SPEN: variants seen among roughly 807,000 people sequenced by gnomAD.
The protein encoded by SPEN is spen family transcriptional repressor, also known as msx2-interacting protein.
SPEN carries 18 observed loss-of-function variants against 269.9 expected under a neutral mutation model. That is an observed-to-expected ratio of 0.07 (90% CI 0.05 to 0.10). SPEN has a LOEUF of 0.10. Among genes scored for constraint, SPEN ranks in the 10% least tolerant of loss-of-function variants. The pLI, the probability that SPEN is intolerant of heterozygous loss-of-function variation, is 1.00. For missense variants in SPEN, 3,822 were observed against 4,631.2 expected, an observed-to-expected ratio of 0.83 and a Z score of 5.07; for synonymous variants, 1,726 against 1,765.7, an observed-to-expected ratio of 0.98 and a Z score of 0.56.
At position 15,904,560 on chromosome 1, in the gene SPEN, AT is replaced by A. The variant is rs201976384; in HGVS notation, c.882-4759del. Among the ~76,000 whole-genome samples, 968 of 150,670 alleles carry A rather than the reference AT, an allele frequency of 6.4e-3. 8 individuals are homozygous for A. The highest frequency in any genetic ancestry group is 0.021 in the Middle Eastern group (6 of 290). On this transcript the variant is annotated intron_variant, in intron 3 of 14. Coordinates refer to ENST00000375759, the MANE Select transcript of SPEN (RefSeq NM_015001.3). The stretch of plus-strand genomic sequence containing the variant: ...CCCCTTCTAGTTGCCACTTCACATT[AT>A]TCAGCAGATGATTCTGAAAGTTAAA...
In SPEN at chr1:15,935,976, A is replaced by AC. The variant is rs2071270906; in HGVS notation, c.9740dup (p.Ala3248CysfsTer19). 1 of 385,856 alleles carries AC rather than the reference A, an allele frequency of 2.6e-6. No individual in the cohort carries two copies. The highest frequency in any genetic ancestry group is 4.0e-6 in the Non-Finnish European group (1 of 250,098). The allele number at this position is 385,856 out of a possible 1,614,324, so 23.9% of individuals were successfully genotyped here. On this transcript the variant is annotated frameshift_variant, in exon 11 of 15. Coordinates refer to ENST00000375759, the MANE Select transcript of SPEN (RefSeq NM_015001.3). LOFTEE classifies it high-confidence loss of function. This position sits in a 1 kb window ranked among gnomAD's most constrained non-coding sequence, Gnocchi z 7.7. ...AGATGCCAAAGCTGCCCCCACCCCCACCCCTGCCCCCGTCCCTGTCCCTGT... is the reference window on the plus strand; with the variant it reads ...AGATGCCAAAGCTGCCCCCACCCCCACCCCCTGCCCCCGTCCCTGTCCCTGT...
Position 15,930,334 on chromosome 1 carries a change from T to C in SPEN, c.4094T>C (p.Leu1365Pro). The C allele has an allele frequency of 6.2e-7, 1 of 1,613,722 alleles. No homozygotes were observed. The highest frequency in any genetic ancestry group is 8.5e-7 in the Non-Finnish European group (1 of 1,179,728). Residue 1365 changes from leucine to proline, a missense_variant, in exon 11 of 15, where the codon CTT becomes CCT. This residue lies in a region of SPEN where 267 missense variants were observed against 315.5 expected (regional missense o/e 0.85). Coordinates refer to ENST00000375759, the MANE Select transcript of SPEN (RefSeq NM_015001.3). The surrounding 1 kb of genome is among the most constrained non-coding windows in gnomAD (Gnocchi z 5.3). ...FPNSIIKRDS[L>P]RKRSVRDLEP... ...AACAGCATAATTAAGAGAGATAGCC[T>C]TCGAAAAAGGTCTGTACGAGATCTG...
In SPEN at chr1:15,928,041, A is replaced by G. The variant is rs1241962700; in HGVS notation, c.1851-50A>G. The G allele has an allele frequency of 1.6e-5, 24 of 1,468,812 alleles. No homozygotes were observed. The highest frequency in any genetic ancestry group is 1.0e-4 in the African/African-American group (7 of 70,274). 91.0% of individuals were successfully genotyped at this position (1,468,812 alleles called of 1,614,324 possible). A position where few individuals can be genotyped will look rare whatever the true frequency, so the allele number is the denominator to read the frequency against. On this transcript the variant is annotated intron_variant, in intron 10 of 14. Transcript: ENST00000375759. The surrounding 1 kb of genome is among the most constrained non-coding windows in gnomAD (Gnocchi z 5.7). Reference sequence around the variant, plus strand: ...TGATTTCATATGTATGATTTTATGCATAAGTGATGAGGAAACAAAAGAACT... The same window carrying G: ...TGATTTCATATGTATGATTTTATGCGTAAGTGATGAGGAAACAAAAGAACT...
chr1:15,922,480 TTTATCAC>T (rs2071128929), intron 10 of SPEN, 131 bp downstream of exon 10: 1 of 615,776 alleles, frequency 1.6e-6, no homozygotes, highest in African/African-American at 1.9e-5. Flanking sequence ...ATGCTTCTCT[TTTATCAC>T]TTCATATGGA....
rs2071293275 is a variant in SPEN, at chr1:15,937,921, T to C, written c.10619T>C (p.Leu3540Pro). The C allele has an allele frequency of 6.2e-7, 1 of 1,614,160 alleles. No homozygotes were observed. The highest frequency in any genetic ancestry group is 8.5e-7 in the Non-Finnish European group (1 of 1,180,014). ...GTCCTGGCCCATCGGTCCCTGCCCCTTTCTGAAGGAGGGCCCCCACTAAGG... is the reference window on the plus strand; with the variant it reads ...GTCCTGGCCCATCGGTCCCTGCCCCCTTCTGAAGGAGGGCCCCCACTAAGG... ...NNVLAHRSLPLSEGGPPLRIA... is the reference protein window; with the variant it reads ...NNVLAHRSLPPSEGGPPLRIA... The change falls in exon 13 of 15, where the codon CTT becomes CCT. Residue 3540 changes from leucine to proline, a missense_variant. By Grantham distance (98) the Leu-to-Pro change is moderately conservative. Coordinates refer to ENST00000375759, the MANE Select transcript of SPEN (RefSeq NM_015001.3). The surrounding 1 kb of genome is among the most constrained non-coding windows in gnomAD (Gnocchi z 5.7).
At chr1:15,851,118 ATATT>A (rs1472589577) in intron 1 of SPEN, among the ~76,000 whole-genome samples, 2 of 152,074 alleles carry the variant, frequency 1.3e-5, no homozygotes, top group Non-Finnish European at 2.9e-5. Context: ...AAAAATTTTT[ATATT>A]TATTTTTAAA....
At chr1:15,892,757 C>T (rs1276436526) in intron 3 of SPEN, among the ~76,000 whole-genome samples, 1 of 151,752 alleles carries the variant, frequency 6.6e-6, no homozygotes, top group African/African-American at 2.4e-5. Flanking sequence ...AATTAATTTC[C>T]CAAGGAGAAA....
chr1:15,864,982 T>G (rs2070489328), intron 1 of SPEN, among the ~76,000 whole-genome samples: 1 of 152,092 alleles, frequency 6.6e-6, no homozygotes, highest in Non-Finnish European at 1.5e-5. Context: ...ATTATAGATG[T>G]TAGCCATCAT....
chr1:15,902,125 C>T (rs939830666), intron 3 of SPEN, among the ~76,000 whole-genome samples: 4 of 151,984 alleles, frequency 2.6e-5, no homozygotes, highest in Admixed American at 6.6e-5. Context: ...GTTAGGGTTT[C>T]GCCATGTTGG....
chr1:15,927,907 A>G (rs1295932467), intron 10 of SPEN, among the ~76,000 whole-genome samples, 184 bp from the exon 11 acceptor site: 1 of 152,242 alleles, frequency 6.6e-6, no homozygotes. Flanking sequence ...ATTTAGCTAG[A>G]TTTCAAGTGC....
chr1:15,930,143 A>T lies in SPEN; in HGVS notation c.3903A>T (p.Thr1301=). ...DEKVLPYSNI[T]VREESLKFNP... is the part of the protein sequence containing the mutation. The stretch of plus-strand genomic sequence containing the variant: ...AAGTCCTCCCCTATTCTAACATAAC[A>T]GTCAGGGAAGAGTCTTTAAAATTTA... Residue 1301 remains threonine (T), a synonymous_variant, in exon 11 of 15, where the codon ACA becomes ACT. Transcript: ENST00000375759. The surrounding 1 kb of genome is among the most constrained non-coding windows in gnomAD (Gnocchi z 5.3). 1 of 1,614,224 alleles carries T rather than the reference A, an allele frequency of 6.2e-7. No individual in the cohort carries two copies. Among genetic ancestry groups the T allele is most frequent in the Non-Finnish European group, 8.5e-7 (1 of 1,180,042 alleles).
intron 3 of SPEN, among the ~76,000 whole-genome samples, chr1:15,902,093 T>C: frequency 6.6e-6 from 1 of 152,004 alleles, no homozygotes; most frequent in South Asian, 2.1e-4. Context: ...CACGCCCCGC[T>C]AATATTTGTA....
At position 15,932,410 on chromosome 1, in the gene SPEN, C is replaced by G. The variant is rs554521479; in HGVS notation, c.6170C>G (p.Thr2057Ser). Residue 2057 changes from threonine (T) to serine (S), a missense_variant, in exon 11 of 15, where the codon ACC becomes AGC. Around this residue, in one of 16 missense-constraint regions of SPEN, gnomAD observed 727 missense variants for 737.9 expected, o/e 0.99. Coordinates refer to ENST00000375759, the MANE Select transcript of SPEN (RefSeq NM_015001.3). This position sits in a 1 kb window ranked among gnomAD's most constrained non-coding sequence, Gnocchi z 4.2. Reference protein sequence around the residue: ...DAGTDKNPPETAPVEVVEKKP... With the variant: ...DAGTDKNPPESAPVEVVEKKP... Reference sequence around the variant, plus strand: ...GGCACAGACAAAAACCCCCCTGAAACCGCCCCTGTTGAAGTTGTAGAGAAA... The same window carrying G: ...GGCACAGACAAAAACCCCCCTGAAAGCGCCCCTGTTGAAGTTGTAGAGAAA... 47 of 1,614,072 alleles carry G rather than the reference C, an allele frequency of 2.9e-5. No homozygotes were observed. The South Asian group carries it at 4.6e-4, about 16-fold the overall frequency.
chr1:15,934,179 C>G lies in SPEN; in HGVS notation c.7939C>G (p.Leu2647Val). ...CTTGGCAAAACCAGCTCCTCAAACC[C>G]TCACTGGTCTGGTGAGCGCACTCAC... ...ITLAKPAPQT[L>V]TGLVSALTGL... The change falls in exon 11 of 15, where the codon CTC becomes GTC. Residue 2647 changes from leucine to valine, a missense_variant. Physicochemically the swap from Leu to Val is conservative, Grantham distance 32. Around this residue, in one of 16 missense-constraint regions of SPEN, gnomAD observed 329 missense variants for 431.2 expected, o/e 0.76. Coordinates refer to ENST00000375759, the MANE Select transcript of SPEN (RefSeq NM_015001.3). This position sits in a 1 kb window ranked among gnomAD's most constrained non-coding sequence, Gnocchi z 9.2. The G allele has an allele frequency of 3.7e-6, 6 of 1,614,270 alleles. No individual in the cohort carries two copies. The highest frequency in any genetic ancestry group is 4.2e-6 in the Non-Finnish European group (5 of 1,180,042).
intron 2 of SPEN, chr1:15,874,264 T>C (rs1286428417): frequency 4.4e-6 from 6 of 1,366,556 alleles, no homozygotes; most frequent in Non-Finnish European, 5.9e-6. Context: ...CATCTAAATA[T>C]CATTTGACAC....
chr1:15,869,972 G>A (rs1042792615), intron 1 of SPEN, among the ~76,000 whole-genome samples: 2 of 151,894 alleles, frequency 1.3e-5, no homozygotes, highest in African/African-American at 2.4e-5. Flanking sequence ...GGGTTCAAGC[G>A]ATTCTCCCGC....
At chr1:15,865,930 G>T (rs2070502091) in intron 1 of SPEN, among the ~76,000 whole-genome samples, 1 of 148,696 alleles carries the variant, frequency 6.7e-6, no homozygotes, top group South Asian at 2.1e-4. Context: ...TAGTGCAGTG[G>T]CATGATCTCA....
chr1:15,937,562 A>G lies in SPEN; in HGVS notation c.10426A>G (p.Thr3476Ala), dbSNP rs2071289003. Residue 3476 changes from threonine (T) to alanine (A), a missense_variant, in exon 12 of 15, where the codon ACT (threonine) becomes GCT (alanine). By Grantham distance (58) the Thr-to-Ala change is moderately conservative (BLOSUM62 0). Around this residue, in one of 16 missense-constraint regions of SPEN, gnomAD observed 359 missense variants for 377.3 expected, o/e 0.95. Transcript: ENST00000375759. This position sits in a 1 kb window ranked among gnomAD's most constrained non-coding sequence, Gnocchi z 5.7. ...CCCACCAGGACTGGTTCTGCCACAC[A>G]CTGAATTCCAGCCAGCCCCCAAACA... ...STPPGLVLPH[T>A]EFQPAPKQDS... The G allele has an allele frequency of 6.2e-7, 1 of 1,613,790 alleles. No individual in the cohort carries two copies. Among genetic ancestry groups the G allele is most frequent in the African/African-American group, 1.3e-5 (1 of 74,824 alleles).
intron 1 of SPEN, among the ~76,000 whole-genome samples, chr1:15,860,676 C>G (rs1413103135): frequency 6.6e-6 from 1 of 151,500 alleles, no homozygotes; most frequent in Non-Finnish European, 1.5e-5. Context: ...AATCTTGGCT[C>G]ATTGCAACCT....
Sources: allele counts gnomAD v4.1 joint callset (sites outside exome capture counted in the v4.1 genomes callset), GRCh38; gene constraint gnomAD v4.1.1; regional missense constraint gnomAD v4.1.1; non-coding constraint Gnocchi (gnomAD v3.1); transcripts MANE v1.5; gene names NCBI Gene and HGNC (gene_info 2026-07-23, HGNC 2026-07-21).